Variants in MEIKIN observed in about 807,000 individuals in gnomAD.
MEIKIN encodes the protein meiotic kinetochore factor.
At chr5:131,913,510 T>A (rs753298658) in intron 7 of MEIKIN, among the ~76,000 whole-genome samples, 3 of 152,224 alleles carry the variant, frequency 2.0e-5, no homozygotes, top group Non-Finnish European at 2.9e-5. Context: ...CTTTCTTGTG[T>A]TGAGGTGAGG....
intron 11 of MEIKIN, among the ~76,000 whole-genome samples, chr5:131,832,555 G>A (rs1749733223): frequency 6.6e-6 from 1 of 152,220 alleles, no homozygotes; most frequent in Non-Finnish European, 1.5e-5. Context: ...CCAGTAGGCA[G>A]TGCCTCAGCA....
chr5:131,920,022 T>G (rs1434613804), intron 6 of MEIKIN, among the ~76,000 whole-genome samples: 2 of 152,312 alleles, frequency 1.3e-5, no homozygotes, highest in Non-Finnish European at 2.9e-5. Flanking sequence ...AAAATGAACT[T>G]ACATAACTTT....
chr5:131,916,830 A>G, intron 7 of MEIKIN, 56 bp downstream of exon 7: 1 of 395,746 alleles, frequency 2.5e-6, no homozygotes, highest in East Asian at 3.6e-5. Flanking sequence ...TTGCTATATA[A>G]CTATTATAAT....
chr5:131,931,739 C>T (rs965302653), intron 5 of MEIKIN, among the ~76,000 whole-genome samples: 2 of 152,328 alleles, frequency 1.3e-5, no homozygotes, highest in African/African-American at 4.8e-5. Flanking sequence ...ACAAAGGGAA[C>T]TGGTCCATAT....
intron 8 of MEIKIN, among the ~76,000 whole-genome samples, chr5:131,911,094 C>G (rs1187987585): frequency 6.6e-6 from 1 of 152,030 alleles, no homozygotes; most frequent in East Asian, 1.9e-4. Context: ...GGATTTTGTG[C>G]TTTTACAAGA....
chr5:131,874,410 T>C (rs1750570121), intron 9 of MEIKIN, among the ~76,000 whole-genome samples: 1 of 152,196 alleles, frequency 6.6e-6, no homozygotes, highest in Admixed American at 6.5e-5. Context: ...AATGGATAAA[T>C]TCCTGGACAC....
At chr5:131,924,786 T>A (rs1320140167) in intron 5 of MEIKIN, among the ~76,000 whole-genome samples, 2 of 152,206 alleles carry the variant, frequency 1.3e-5, no homozygotes, top group Non-Finnish European at 2.9e-5. Context: ...TGGTAGGTTA[T>A]CTCTTTACTC....
At chr5:131,819,327 C>T (rs13165154) in intron 11 of MEIKIN, among the ~76,000 whole-genome samples, 95,740 of 150,772 alleles carry the variant, frequency 0.63, 32,462 homozygotes, top group Non-Finnish European at 0.77. Flanking sequence ...ACCGGCTGGG[C>T]ACGGTGGCTC....
intron 9 of MEIKIN, among the ~76,000 whole-genome samples, chr5:131,871,536 A>G (rs998583372): frequency 2.0e-4 from 31 of 152,238 alleles, no homozygotes; most frequent in African/African-American, 7.2e-4. Context: ...CAGCTCAAGG[A>G]GGCCTGCCTG....
At chr5:131,828,313 C>T (rs1749650249) in intron 11 of MEIKIN, among the ~76,000 whole-genome samples, 1 of 152,086 alleles carries the variant, frequency 6.6e-6, no homozygotes, top group African/African-American at 2.4e-5. Context: ...TAGGCACACA[C>T]CATCATGCCC....
intron 8 of MEIKIN, among the ~76,000 whole-genome samples, chr5:131,889,053 C>T (rs938743715): frequency 3.1e-4 from 47 of 152,156 alleles, no homozygotes; most frequent in Non-Finnish European, 5.4e-4. Context: ...GGGCTCTGTT[C>T]TGTTCCATTG....
intron 8 of MEIKIN, among the ~76,000 whole-genome samples, chr5:131,879,595 G>GT (rs1006942353): frequency 6.6e-6 from 1 of 152,194 alleles, no homozygotes; most frequent in African/African-American, 2.4e-5. Context: ...TATAGCCCCT[G>GT]TATCTCCTCT....
At chr5:131,931,534 G>A (rs2149651989) in intron 5 of MEIKIN, among the ~76,000 whole-genome samples, 1 of 152,306 alleles carries the variant, frequency 6.6e-6, no homozygotes, top group Middle Eastern at 3.4e-3. Flanking sequence ...TGGATGTATT[G>A]TCAAGTCCCT....
At chr5:131,861,825 T>A (rs762692935) in intron 9 of MEIKIN, among the ~76,000 whole-genome samples, 53 of 152,314 alleles carry the variant, frequency 3.5e-4, no homozygotes, top group Non-Finnish European at 6.2e-4. Context: ...TGTTTTATCT[T>A]TTTGATGTGC....
intron 8 of MEIKIN, among the ~76,000 whole-genome samples, chr5:131,886,956 C>G (rs1031317437): frequency 6.4e-5 from 7 of 109,060 alleles, no homozygotes; most frequent in Non-Finnish European, 5.4e-5. Flanking sequence ...TCCCCCCTCC[C>G]CCCACCCTAA....
chr5:131,899,860 C>T (rs1035085683), intron 8 of MEIKIN, among the ~76,000 whole-genome samples: 21 of 152,084 alleles, frequency 1.4e-4, no homozygotes, highest in Admixed American at 1.0e-3. Flanking sequence ...GGCCCTAATA[C>T]AAAAATTGCT....
chr5:131,896,812 T>G (rs1249392058), intron 8 of MEIKIN, among the ~76,000 whole-genome samples: 1 of 152,224 alleles, frequency 6.6e-6, no homozygotes, highest in Non-Finnish European at 1.5e-5. Context: ...TACAGCACAC[T>G]GATGGGTCTT....
chr5:131,891,108 A>C (rs1180198125), intron 8 of MEIKIN, among the ~76,000 whole-genome samples: 1 of 152,122 alleles, frequency 6.6e-6, no homozygotes, highest in South Asian at 2.1e-4. Context: ...CTGTTCTTTT[A>C]CATTTGCTGA....
At chr5:131,917,535 C>G (rs1751432597) in intron 6 of MEIKIN, among the ~76,000 whole-genome samples, 1 of 141,300 alleles carries the variant, frequency 7.1e-6, no homozygotes, top group African/African-American at 2.7e-5. Context: ...CACTGCACTC[C>G]AGCCTGGGCA....
Sources: allele counts gnomAD v4.1 joint callset (sites outside exome capture counted in the v4.1 genomes callset), GRCh38; gene constraint gnomAD v4.1.1; transcripts MANE v1.5; gene names NCBI Gene and HGNC (gene_info 2026-07-23, HGNC 2026-07-21).